CENPN: variants seen among roughly 807,000 people sequenced by gnomAD.
CENPN encodes interphase centromere complex protein 32.
A neutral mutation model predicts 48.6 loss-of-function variants in CENPN; 36 were observed. That is an observed-to-expected ratio of 0.74 (90% CI 0.57 to 0.98). The LOEUF is 0.98. CENPN is among the 50% of genes least tolerant of loss of function. The probability of loss-of-function intolerance (pLI) is 0.00; values close to 1 mark genes in which losing one functional copy is unlikely to be tolerated. For synonymous variants in CENPN, 166 were observed against 135.2 expected, an observed-to-expected ratio of 1.23 and a Z score of -1.58; for missense variants, 439 against 399.2, an observed-to-expected ratio of 1.10 and a Z score of -0.85.
At chr16:81,007,678 A>G (rs1038868492) in intron 1 of CENPN, among the ~76,000 whole-genome samples, 19 of 152,120 alleles carry the variant, frequency 1.2e-4, no homozygotes, top group Non-Finnish European at 2.2e-4. Flanking sequence ...TGCTCCTCGC[A>G]TTGCCTGTTG....
At chr16:81,017,081 AAC>A in intron 3 of CENPN, 1 of 350,646 alleles carries the variant, frequency 2.9e-6, no homozygotes, top group East Asian at 7.1e-5. Context: ...TAAATGGGCT[AAC>A]ATAGAATAAA....
chr16:81,019,798 A>G (rs1970096525), intron 5 of CENPN, among the ~76,000 whole-genome samples: 1 of 151,586 alleles, frequency 6.6e-6, no homozygotes. Flanking sequence ...GCTTGAGCCC[A>G]GGAAGTTGAG....
At chr16:81,010,227 T>G (rs951755796) in intron 1 of CENPN, among the ~76,000 whole-genome samples, 1 of 152,178 alleles carries the variant, frequency 6.6e-6, no homozygotes, top group Non-Finnish European at 1.5e-5. Context: ...ATATCATGTT[T>G]GCTTGCTTTT....
At chr16:81,010,211 A>T (rs995913795) in intron 1 of CENPN, among the ~76,000 whole-genome samples, 1 of 152,202 alleles carries the variant, frequency 6.6e-6, no homozygotes, top group African/African-American at 2.4e-5. Context: ...TGAAAAAAAT[A>T]AATAAATATC....
At chr16:81,033,018 C>T (rs1970831368), downstream of CENPN, 2 of 184,268 alleles carry the variant, frequency 1.1e-5, no homozygotes, top group Admixed American at 6.0e-5. Flanking sequence ...CACAAAATGG[C>T]ATCACTTTGG....
At chr16:81,021,517 C>G (rs1052720852) in intron 6 of CENPN, among the ~76,000 whole-genome samples, 1 of 152,092 alleles carries the variant, frequency 6.6e-6, no homozygotes, top group Admixed American at 6.6e-5. Flanking sequence ...GTGTGGAGTA[C>G]CAAGGACTCC....
At position 81,017,763 on chromosome 16, in the gene CENPN, G is replaced by A. The variant is rs1417066970; in HGVS notation, c.283G>A (p.Asp95Asn). The change falls in exon 5 of 11, where the codon GAT (aspartate) becomes AAT (asparagine). Residue 95 changes from aspartate to asparagine, a missense_variant. By Grantham distance (23) the Asp-to-Asn change is conservative. Transcript: ENST00000305850. ...TTTTTTTTTCACTTTGGCAGGTGAA[G>A]ATGTTGACCTTTTTGATATGAAACA... Reference protein sequence around the residue: ...VFQMSKGPGEDVDLFDMKQFK... With the variant: ...VFQMSKGPGENVDLFDMKQFK... 1 of 1,587,496 alleles carries A rather than the reference G, an allele frequency of 6.3e-7. No homozygotes were observed. Among genetic ancestry groups the A allele is most frequent in the Non-Finnish European group, 8.6e-7 (1 of 1,169,352 alleles).
chr16:81,008,515 G>A (rs1333800827), intron 1 of CENPN, among the ~76,000 whole-genome samples: 1 of 152,162 alleles, frequency 6.6e-6, no homozygotes, highest in African/African-American at 2.4e-5. Flanking sequence ...GGGACTAGAG[G>A]TGTGCGTCAC....
At chr16:81,009,294 G>C (rs1567545722) in intron 1 of CENPN, among the ~76,000 whole-genome samples, 1 of 152,188 alleles carries the variant, frequency 6.6e-6, no homozygotes, top group Non-Finnish European at 1.5e-5. Context: ...AGTCTGAGGA[G>C]AAACCATCTA....
At chr16:81,022,505 C>A in intron 6 of CENPN, 92 bp from the exon 7 acceptor site, 1 of 1,040,082 alleles carries the variant, frequency 9.6e-7, no homozygotes, top group Non-Finnish European at 1.4e-6. Flanking sequence ...GGAAACTATT[C>A]CCTAATTGCA....
Position 81,030,469 on chromosome 16 carries a change from C to T in CENPN, c.*1818C>T. On this transcript the variant is annotated 3_prime_UTR_variant, in exon 11 of 11. Transcript: ENST00000305850. Reference sequence around the variant, plus strand: ...TATAGAAAAATGACTTCACTCTGGGCCGGGTGTAGTGGCTCACGCCTGTAA... The same window carrying T: ...TATAGAAAAATGACTTCACTCTGGGTCGGGTGTAGTGGCTCACGCCTGTAA... 1.1e-6 allele frequency: 1 copy of T among 919,028 alleles called. No homozygotes were observed. The highest frequency in any genetic ancestry group is 1.2e-4 in the East Asian group (1 of 8,516). 56.9% of individuals were successfully genotyped at this position (919,028 alleles called of 1,614,324 possible). A position where few individuals can be genotyped will look rare whatever the true frequency, so the allele number is the denominator to read the frequency against.
chr16:81,018,645 A>C lies in CENPN; in HGVS notation c.354+811A>C, dbSNP rs146987011. Among the ~76,000 whole-genome samples the C allele has an allele frequency of 4.5e-3, 683 of 152,316 alleles. 2 individuals carry two copies. The highest frequency in any genetic ancestry group is 0.014 in the Middle Eastern group (4 of 294). On this transcript the variant is annotated intron_variant, in intron 5 of 10. Coordinates refer to ENST00000305850, the MANE Select transcript of CENPN (RefSeq NM_001100624.3). ...TTCAGAATAAGACAATCTTCCATTC[A>C]AGGCAGTAGAGGCCCACTGAGCATG...
Position 81,030,247 on chromosome 16 carries a change from T to A in CENPN, c.*1596T>A, listed in dbSNP as rs1480366017. The stretch of plus-strand genomic sequence containing the variant: ...ACCACGCCCGCCAGCATGTCTTTTT[T>A]AAACATTTTAAAATCTATTCTTTAT... On this transcript the variant is annotated 3_prime_UTR_variant, in exon 11 of 11. Coordinates refer to ENST00000305850, the MANE Select transcript of CENPN (RefSeq NM_001100624.3). 3.0e-6 allele frequency: 3 copies of A among 985,350 alleles called. No individual in the cohort carries two copies. Among genetic ancestry groups the A allele is most frequent in the Non-Finnish European group, 3.6e-6 (3 of 829,952 alleles). 61.0% of individuals were successfully genotyped at this position (985,350 alleles called of 1,614,324 possible).
In CENPN at chr16:81,028,469, A is replaced by T. The variant is rs1036932415; in HGVS notation, c.938-100A>T. ...TTAATAGGGAGGAGGGGCATCTATG[A>T]TCCACCCTCTAATCTCAGCCATTTT... On this transcript the variant is annotated intron_variant, in intron 10 of 10. Transcript: ENST00000305850. 2.0e-6 allele frequency: 3 copies of T among 1,534,098 alleles called. No homozygotes were observed. The African/African-American group carries it at 4.2e-5, about 21-fold the overall frequency.
At position 81,017,255 on chromosome 16, in the gene CENPN, G is replaced by C. The variant is rs1164088163; in HGVS notation, c.218-71G>C. 25 of 1,001,634 alleles carry C rather than the reference G, an allele frequency of 2.5e-5. No homozygotes were observed. In the Middle Eastern group the frequency reaches 1.3e-3, roughly 51 times the overall value. The allele number at this position is 1,001,634 out of a possible 1,614,324, so 62.0% of individuals were successfully genotyped here. ...TTACTTTCCCCAGTTTTAAAGTATA[G>C]AAATATCTATAAGCATATTACTTCA... On this transcript the variant is annotated intron_variant, in intron 3 of 10. Coordinates refer to ENST00000305850, the MANE Select transcript of CENPN (RefSeq NM_001100624.3).
intron 4 of CENPN, 25 bp from the exon 5 acceptor site, chr16:81,017,733 C>G: frequency 1.3e-6 from 2 of 1,528,020 alleles, no homozygotes; most frequent in Non-Finnish European, 1.8e-6. Flanking sequence ...CTTGATTTTT[C>G]TTTATTTTTT....
At position 81,028,162 on chromosome 16, in the gene CENPN, T is replaced by C. The variant is rs372210422; in HGVS notation, c.811-9T>C. On this transcript the variant is annotated splice_polypyrimidine_tract_variant and intron_variant, in intron 9 of 10. Coordinates refer to ENST00000305850, the MANE Select transcript of CENPN (RefSeq NM_001100624.3). ...TGTTTAATAGTCATTTATAAATGTT[T>C]GTTGACAGCTTGAAACGAAATTCAA... The C allele has an allele frequency of 1.6e-5, 25 of 1,594,498 alleles. No individual in the cohort carries two copies. Among genetic ancestry groups the C allele is most frequent in the Admixed American group, 5.0e-5 (3 of 59,936 alleles).
rs1309273040 is a variant in CENPN at position 81,028,644 on chromosome 16, A to T, written c.1013A>T (p.Asp338Val). 1 of 1,611,564 alleles carries T rather than the reference A, an allele frequency of 6.2e-7. No homozygotes were observed. Among genetic ancestry groups the T allele is most frequent in the Non-Finnish European group, 8.5e-7 (1 of 1,179,590 alleles). ...AGAATGAATTATTTTAAAATTAGAG[A>T]TAAATAAGACGTGCGTGGTTTCTTA... ...NKRMNYFKIR[D>V]K Residue 338 changes from aspartate (D) to valine (V), a missense_variant, in exon 11 of 11, where the codon GAT (aspartate) becomes GTT (valine). By Grantham distance (152) the Asp-to-Val change is radical (BLOSUM62 -3). Transcript: ENST00000305850.
chr16:81,017,911 T>C, intron 5 of CENPN, 77 bp downstream of exon 5: 1 of 784,838 alleles, frequency 1.3e-6, no homozygotes. Flanking sequence ...ACTATCATAG[T>C]TTTTTTTTAA....
Sources: allele counts gnomAD v4.1 joint callset (sites outside exome capture counted in the v4.1 genomes callset), GRCh38; gene constraint gnomAD v4.1.1; transcripts MANE v1.5; gene names NCBI Gene and HGNC (gene_info 2026-07-23, HGNC 2026-07-21).